Variants in ESRRG observed in about 807,000 individuals in gnomAD.
ESRRG encodes the protein estrogen related receptor gamma.
Under a neutral mutation model 44.0 loss-of-function variants are expected in ESRRG, and 13 were observed. That is an observed-to-expected ratio of 0.30 (90% CI 0.19 to 0.47). The LOEUF is 0.47. Ranked by LOEUF, ESRRG falls within the 20% of genes least tolerant of loss-of-function variation. ESRRG has a pLI of 1.00. For synonymous variants in ESRRG, 215 were observed against 214.6 expected, an observed-to-expected ratio of 1.00 and a Z score of -0.02; for missense variants, 395 against 580.6, an observed-to-expected ratio of 0.68 and a Z score of 3.29.
chr1:216,921,468 C>T (rs780387221), intron 2 of ESRRG, among the ~76,000 whole-genome samples: 5 of 152,112 alleles, frequency 3.3e-5, no homozygotes, highest in Non-Finnish European at 7.3e-5. Flanking sequence ...CAATGGACTG[C>T]GAACTCCTAC....
At chr1:216,575,344 G>T (rs1265425224) in intron 3 of ESRRG, among the ~76,000 whole-genome samples, 3 of 152,002 alleles carry the variant, frequency 2.0e-5, no homozygotes, top group Non-Finnish European at 4.4e-5. Flanking sequence ...GTTAAATATG[G>T]TTCATTATTT....
chr1:216,667,004 C>G (rs144834589), intron 2 of ESRRG, among the ~76,000 whole-genome samples: 310 of 152,228 alleles, frequency 2.0e-3, no homozygotes, highest in African/African-American at 7.1e-3. Flanking sequence ...ATGATTGAAT[C>G]GGGAACAGGT....
intron 1 of ESRRG, among the ~76,000 whole-genome samples, chr1:217,134,380 G>C (rs1261308528): frequency 1.3e-5 from 2 of 152,224 alleles, no homozygotes; most frequent in Non-Finnish European, 2.9e-5. Context: ...AGGAGAAACT[G>C]GTGGTGCCTA....
intron 2 of ESRRG, among the ~76,000 whole-genome samples, chr1:216,806,929 T>A (rs2094811329): frequency 6.6e-6 from 1 of 152,192 alleles, no homozygotes; most frequent in Non-Finnish European, 1.5e-5. Context: ...TGGGCACCTG[T>A]GGGCTAGTAA....
chr1:216,989,775 C>A (rs2075406979), intron 1 of ESRRG, among the ~76,000 whole-genome samples: 1 of 152,136 alleles, frequency 6.6e-6, no homozygotes, highest in Non-Finnish European at 1.5e-5. Context: ...TGGGCTTCTA[C>A]CTATGGCTTA....
At chr1:216,869,161 C>T (rs1287957608) in intron 2 of ESRRG, among the ~76,000 whole-genome samples, 1 of 152,006 alleles carries the variant, frequency 6.6e-6, no homozygotes, top group Non-Finnish European at 1.5e-5. Context: ...ATAGTTTTCT[C>T]TTATGTTGTC....
intron 4 of ESRRG, among the ~76,000 whole-genome samples, chr1:216,566,993 C>T (rs1448984020): frequency 1.3e-5 from 2 of 152,158 alleles, no homozygotes; most frequent in African/African-American, 4.8e-5. Context: ...TGATGCACAG[C>T]AGTGACCCCT....
intron 2 of ESRRG, among the ~76,000 whole-genome samples, chr1:216,769,746 G>C (rs748186018): frequency 6.6e-6 from 1 of 152,086 alleles, no homozygotes; most frequent in Non-Finnish European, 1.5e-5. Context: ...CAAATTGTCA[G>C]GAATTTTCAA....
intron 1 of ESRRG, among the ~76,000 whole-genome samples, chr1:217,003,582 T>A (rs201148696): frequency 4.3e-3 from 321 of 74,006 alleles, no homozygotes; most frequent in African/African-American, 0.034. Flanking sequence ...AATTAATAAG[T>A]ATTAATATTA....
intron 5 of ESRRG, among the ~76,000 whole-genome samples, chr1:216,544,419 C>T (rs1187818237): frequency 6.6e-6 from 1 of 151,950 alleles, no homozygotes; most frequent in Non-Finnish European, 1.5e-5. Flanking sequence ...ATATCAGGTA[C>T]CAATCAGGAG....
chr1:216,888,540 G>A (rs771068967), intron 2 of ESRRG, among the ~76,000 whole-genome samples: 1 of 151,990 alleles, frequency 6.6e-6, no homozygotes, highest in Non-Finnish European at 1.5e-5. Context: ...AGCATGTCCA[G>A]CAAGATAAAT....
At chr1:216,779,183 AAATATATATT>A (rs1208517117) in intron 2 of ESRRG, among the ~76,000 whole-genome samples, 3 of 81,528 alleles carry the variant, frequency 3.7e-5, no homozygotes, top group African/African-American at 1.3e-4. Flanking sequence ...ATAATTATAT[AAATATATATT>A]TATATTTATA....
At chr1:216,995,908 T>G (rs2150574838) in intron 1 of ESRRG, among the ~76,000 whole-genome samples, 1 of 152,310 alleles carries the variant, frequency 6.6e-6, no homozygotes, top group South Asian at 2.1e-4. Flanking sequence ...CATTCACTCC[T>G]ATGCACATAA....
chr1:216,757,786 G>C (rs2152326578), intron 2 of ESRRG, among the ~76,000 whole-genome samples: 1 of 151,872 alleles, frequency 6.6e-6, no homozygotes, highest in South Asian at 2.1e-4. Flanking sequence ...ACAGATATCT[G>C]TACACAGTTC....
At chr1:217,108,696 C>G (rs1271408763) in intron 1 of ESRRG, among the ~76,000 whole-genome samples, 7 of 151,998 alleles carry the variant, frequency 4.6e-5, no homozygotes, top group African/African-American at 1.7e-4. Flanking sequence ...GATGTGCCTA[C>G]TCCCTCTTCT....
At chr1:216,552,980 A>T (rs192566400) in intron 5 of ESRRG, among the ~76,000 whole-genome samples, 1 of 152,328 alleles carries the variant, frequency 6.6e-6, no homozygotes, top group Admixed American at 6.5e-5. Flanking sequence ...AGATGAATTT[A>T]AGAAACATTG....
At chr1:216,771,244 C>T (rs564551918) in intron 2 of ESRRG, among the ~76,000 whole-genome samples, 8 of 152,186 alleles carry the variant, frequency 5.3e-5, no homozygotes, top group South Asian at 2.1e-4. Flanking sequence ...ATGATACTTG[C>T]TTTTTATATT....
At chr1:216,924,538 C>T (rs2149749212) in intron 2 of ESRRG, among the ~76,000 whole-genome samples, 1 of 152,302 alleles carries the variant, frequency 6.6e-6, no homozygotes, top group East Asian at 1.9e-4. Flanking sequence ...ATAATAAAAT[C>T]CAGCCTAGAA....
At chr1:216,724,362 A>ATTTTTTTTTTTTTTTTTTT (rs35611593), upstream of ESRRG, among the ~76,000 whole-genome samples, 1 of 143,084 alleles carries the variant, frequency 7.0e-6, no homozygotes, top group Non-Finnish European at 1.5e-5. Flanking sequence ...TAAAGACAGC[A>ATTTTTTTTTTTTTTTTTTT]TTTTTTTTTT....
Sources: gnomAD v4.1 joint callset for allele counts (sites outside exome capture counted in the v4.1 genomes callset) on GRCh38, gnomAD v4.1.1 for gene constraint, MANE v1.5 for transcripts, NCBI Gene and HGNC (gene_info 2026-07-23, HGNC 2026-07-21) for gene names.